The following NAALADL2 variants were observed in gnomAD, a reference collection of about 807,000 sequenced individuals.
The protein encoded by NAALADL2 is N-acetylated alpha-linked acidic dipeptidase like 2, also known as inactive N-acetylated-alpha-linked acidic dipeptidase-like protein 2.
Under a neutral mutation model 87.2 loss-of-function variants are expected in NAALADL2, and 76 were observed. The ratio of observed to expected loss-of-function variants is 0.87; its 90% CI spans 0.72 to 1.05. The LOEUF (loss-of-function observed/expected upper bound fraction) is 1.05. Ranked by LOEUF, NAALADL2 falls within the 50% of genes least tolerant of loss-of-function variation. NAALADL2 has a pLI of 0.00. For synonymous variants in NAALADL2, 354 were observed against 331.0 expected, an observed-to-expected ratio of 1.07 and a Z score of -0.75; for missense variants, 1,089 against 945.8, an observed-to-expected ratio of 1.15 and a Z score of -1.99.
intron 9 of NAALADL2, among the ~76,000 whole-genome samples, chr3:175,540,074 T>G (rs563412968): frequency 6.6e-6 from 1 of 152,330 alleles, no homozygotes; most frequent in East Asian, 1.9e-4. Context: ...AATATACGTG[T>G]TCCCGTAATT....
At chr3:175,354,238 T>C (rs1301900447) in intron 5 of NAALADL2, among the ~76,000 whole-genome samples, 1 of 152,200 alleles carries the variant, frequency 6.6e-6, no homozygotes, top group Non-Finnish European at 1.5e-5. Flanking sequence ...TAAGAAAGAA[T>C]TAGTATGGTC....
intron 1 of NAALADL2, among the ~76,000 whole-genome samples, chr3:174,957,716 A>T (rs576084538): frequency 4.6e-5 from 7 of 152,086 alleles, no homozygotes; most frequent in Admixed American, 6.6e-5. Flanking sequence ...AATGAATAGC[A>T]TATTAACTCT....
chr3:174,954,910 C>G (rs1179435476), intron 1 of NAALADL2, among the ~76,000 whole-genome samples: 4 of 152,068 alleles, frequency 2.6e-5, no homozygotes, highest in Non-Finnish European at 5.9e-5. Flanking sequence ...GGATAATTCA[C>G]TTAATTTGCA....
chr3:175,006,752 G>C (rs901771235), intron 1 of NAALADL2, among the ~76,000 whole-genome samples: 14 of 151,720 alleles, frequency 9.2e-5, no homozygotes, highest in Admixed American at 9.2e-4. Context: ...ATAGGATGTA[G>C]TTTCTGAAAT....
chr3:174,896,908 A>C (rs1273088761), intron 1 of NAALADL2, among the ~76,000 whole-genome samples: 1 of 152,204 alleles, frequency 6.6e-6, no homozygotes, highest in Non-Finnish European at 1.5e-5. Flanking sequence ...AAGTTTCCAA[A>C]AGCATGCACT....
chr3:174,571,248 G>T (rs1714879806), intron 2 of NAALADL2, among the ~76,000 whole-genome samples: 1 of 152,104 alleles, frequency 6.6e-6, no homozygotes, highest in South Asian at 2.1e-4. Flanking sequence ...GCTAAAAATT[G>T]GGGTAAACTA....
rs185474388 is a variant in NAALADL2 at position 174,896,378 on chromosome 3, G to C, written c.43+36928G>C. 5.6e-3 allele frequency among the ~76,000 whole-genome samples: 848 copies of C among 152,028 alleles called. 3 individuals are homozygous for C. Among genetic ancestry groups the C allele is most frequent in the South Asian group, 0.011 (54 of 4,830 alleles). On this transcript the variant is annotated intron_variant, in intron 1 of 13. Transcript: ENST00000454872. The stretch of plus-strand genomic sequence containing the variant: ...TATACATTTTGATTTTGTTCACAAT[G>C]ATGAACAATGTTAAAAAGAAATAAA...
Position 174,988,326 on chromosome 3 carries a change from T to A in NAALADL2, c.44-108464T>A, listed in dbSNP as rs74610423. Among the ~76,000 whole-genome samples, 1,025 of 152,288 alleles carry A rather than the reference T, an allele frequency of 6.7e-3. 52 individuals are homozygous for A. The East Asian group carries it at 0.12, about 18-fold the overall frequency. On this transcript the variant is annotated intron_variant, in intron 1 of 13. Transcript: ENST00000454872. ...CATATACAGTAGAAGCAGTGAAGAA[T>A]GAAGAGGAAGGAAAATAACTTATAG...
intron 11 of NAALADL2, among the ~76,000 whole-genome samples, chr3:175,728,544 A>G (rs1426780850): frequency 1.3e-5 from 2 of 152,138 alleles, no homozygotes; most frequent in East Asian, 1.9e-4. Context: ...CTTCTTGCCC[A>G]TGGCTGGCTG....
intron 9 of NAALADL2, among the ~76,000 whole-genome samples, chr3:175,574,570 G>C (rs1382714708): frequency 6.6e-6 from 1 of 152,096 alleles, no homozygotes; most frequent in Non-Finnish European, 1.5e-5. Flanking sequence ...CTTGTGTCTG[G>C]TTACAGGAAC....
intron 3 of NAALADL2, among the ~76,000 whole-genome samples, chr3:174,792,899 T>A (rs1487762011): frequency 6.6e-6 from 1 of 152,184 alleles, no homozygotes; most frequent in African/African-American, 2.4e-5. Context: ...GTAAATATGT[T>A]TCACTGCCAG....
At position 174,987,794 on chromosome 3, in the gene NAALADL2, T is replaced by TTA. The variant is rs1318063466; in HGVS notation, c.44-108981_44-108980dup. Reference sequence around the variant, plus strand: ...GGCATGCACTACCATACCTGGTTAATTATATATATATATATAATTATATAT... The same window carrying TTA: ...GGCATGCACTACCATACCTGGTTAATTATATATATATATATATAATTATATAT... On this transcript the variant is annotated intron_variant, in intron 1 of 13. Coordinates refer to ENST00000454872, the MANE Select transcript of NAALADL2 (RefSeq NM_207015.3). 6.8e-3 allele frequency among the ~76,000 whole-genome samples: 855 copies of TTA among 126,012 alleles called. 40 individuals carry two copies. Among genetic ancestry groups the TTA allele is most frequent in the African/African-American group, 0.029 (698 of 24,002 alleles). The allele number at this position is 126,012 out of a possible 152,430, so 82.7% of individuals were successfully genotyped here. A position where few individuals can be genotyped will look rare whatever the true frequency, so the allele number is the denominator to read the frequency against.
chr3:174,972,340 G>A (rs2108612469), intron 1 of NAALADL2, among the ~76,000 whole-genome samples: 1 of 152,230 alleles, frequency 6.6e-6, no homozygotes, highest in East Asian at 1.9e-4. Flanking sequence ...CATTGACTGG[G>A]TGGCTTAAGC....
rs1316691404 is a variant in NAALADL2, at chr3:175,172,373, A to G, written c.546-61558A>G. ...AATTATCTTCACAGTCAATAATAGT[A>G]AAAGGTAATTTCTTGCATAGACAAA... On this transcript the variant is annotated intron_variant, in intron 2 of 13. Transcript: ENST00000454872. Among the ~76,000 whole-genome samples, 8 of 152,152 alleles carry G rather than the reference A, an allele frequency of 5.3e-5. No individual in the cohort carries two copies. The East Asian group carries it at 1.3e-3, about 26-fold the overall frequency.
At chr3:174,842,948 C>T (rs1017842885) in intron 3 of NAALADL2, among the ~76,000 whole-genome samples, 1 of 152,010 alleles carries the variant, frequency 6.6e-6, no homozygotes, top group Non-Finnish European at 1.5e-5. Context: ...CTCTTTACTA[C>T]TGAGTTACTT....
intron 1 of NAALADL2, among the ~76,000 whole-genome samples, chr3:174,999,010 G>A (rs1226413988): frequency 6.6e-6 from 1 of 152,070 alleles, no homozygotes; most frequent in African/African-American, 2.4e-5. Flanking sequence ...AAGACATTAT[G>A]ATGACTGCAA....
intron 3 of NAALADL2, among the ~76,000 whole-genome samples, chr3:174,817,721 A>G (rs1456462967): frequency 6.6e-6 from 1 of 152,126 alleles, no homozygotes; most frequent in African/African-American, 2.4e-5. Context: ...TATTTTTATC[A>G]CTCTCCTTAG....
intron 12 of NAALADL2, among the ~76,000 whole-genome samples, chr3:175,747,395 C>G (rs919778980): frequency 2.6e-5 from 4 of 152,074 alleles, no homozygotes; most frequent in Non-Finnish European, 4.4e-5. Flanking sequence ...ACTTATTTTT[C>G]CTACTCTTCC....
chr3:175,435,589 A>G (rs1487662529), intron 5 of NAALADL2, among the ~76,000 whole-genome samples: 2 of 152,084 alleles, frequency 1.3e-5, no homozygotes, highest in Admixed American at 1.3e-4. Flanking sequence ...CCAAAATTTT[A>G]TACATATTTA....
Sources: allele counts gnomAD v4.1 joint callset (sites outside exome capture counted in the v4.1 genomes callset), GRCh38; gene constraint gnomAD v4.1.1; transcripts MANE v1.5; gene names NCBI Gene and HGNC (gene_info 2026-07-23, HGNC 2026-07-21).